The following COG3 variants were observed in gnomAD, a reference collection of about 807,000 sequenced individuals.
The protein encoded by COG3 is conserved oligomeric Golgi complex subunit 3.
A neutral mutation model predicts 114.1 loss-of-function variants in COG3; 32 were observed. The observed-to-expected ratio is 0.28, with a 90% CI of 0.21 to 0.38. The LOEUF (loss-of-function observed/expected upper bound fraction) is 0.38. COG3 is among the 10% of genes least tolerant of loss of function. The pLI is 1.00. For missense variants in COG3, 813 were observed against 973.2 expected (o/e 0.84, Z 2.19); for synonymous variants, 352 against 365.7 (o/e 0.96, Z 0.43).
chr13:45,505,327 A>T (rs1870016014), intron 14 of COG3, among the ~76,000 whole-genome samples: 1 of 146,944 alleles, frequency 6.8e-6, no homozygotes, highest in South Asian at 2.2e-4. Context: ...TGAGAGACAG[A>T]GTCTCACTCT....
Position 45,519,015 on chromosome 13 carries a change from A to G in COG3, c.2075A>G (p.His692Arg), listed in dbSNP as rs140318094. ...YLDSKKDVDR[H>R]LKSACEQFIQ... ...GACTCTAAAAAAGACGTAGACCGTC[A>G]TCTGAAATCGGCCTGTGAGCAGTTT... The change falls in exon 19 of 23, where the codon CAT becomes CGT. Residue 692 changes from histidine (H) to arginine (R), a missense_variant. Physicochemically the swap from His to Arg is conservative, Grantham distance 29. Transcript: ENST00000349995. 1.5e-5 allele frequency: 25 copies of G among 1,614,088 alleles called. No homozygotes were observed. Among genetic ancestry groups the G allele is most frequent in the African/African-American group, 2.7e-5 (2 of 74,944 alleles).
At position 45,535,444 on chromosome 13, in the gene COG3, A is replaced by C; in HGVS notation, c.*713A>C. The C allele has an allele frequency of 1.0e-6, 1 of 985,408 alleles. No homozygotes were observed. The highest frequency in any genetic ancestry group is 4.7e-5 in the South Asian group (1 of 21,292). The allele number at this position is 985,408 out of a possible 1,614,324, so 61.0% of individuals were successfully genotyped here. On this transcript the variant is annotated 3_prime_UTR_variant, in exon 23 of 23. Coordinates refer to ENST00000349995, the MANE Select transcript of COG3 (RefSeq NM_031431.4). The stretch of plus-strand genomic sequence containing the variant: ...CATCATAGATACGTGCAGTATCTTT[A>C]ATGAGTATCTTCATGGTATGATAGT...
intron 2 of COG3, among the ~76,000 whole-genome samples, chr13:45,476,571 G>C (rs768191879): frequency 6.6e-6 from 1 of 152,136 alleles, no homozygotes; most frequent in Non-Finnish European, 1.5e-5. Context: ...GAGATTCCAT[G>C]TTTGGACGTT....
rs529348897 is a variant in COG3 at position 45,482,554 on chromosome 13, T to G, written c.717+81T>G. On this transcript the variant is annotated intron_variant, in intron 6 of 22. Transcript: ENST00000349995. ...TCCTATCTTTTTGTGTTTTTCAACT[T>G]TTCTGTGTTTAGCAGATGTTCCTAT... 2.1e-4 allele frequency: 142 copies of G among 665,826 alleles called. 2 individuals carry two copies. In the South Asian group the frequency reaches 2.8e-3, roughly 13 times the overall value. 41.2% of individuals were successfully genotyped at this position (665,826 alleles called of 1,614,324 possible).
intron 13 of COG3, among the ~76,000 whole-genome samples, chr13:45,501,350 G>T (rs959612354): frequency 6.6e-6 from 1 of 152,086 alleles, no homozygotes; most frequent in African/African-American, 2.4e-5. Flanking sequence ...TTTCCAATTT[G>T]TTGATTCAAT....
chr13:45,518,467 C>G (rs543608561), intron 17 of COG3, among the ~76,000 whole-genome samples: 1 of 152,158 alleles, frequency 6.6e-6, no homozygotes, highest in Non-Finnish European at 1.5e-5. Flanking sequence ...ATTTAATATC[C>G]TAAAAGTAAA....
At chr13:45,517,665 T>G (rs1190000417) in intron 17 of COG3, among the ~76,000 whole-genome samples, 3 of 152,216 alleles carry the variant, frequency 2.0e-5, no homozygotes, top group Non-Finnish European at 2.9e-5. Flanking sequence ...CCACCCATTC[T>G]GGTTGATTTC....
At position 45,482,340 on chromosome 13, in the gene COG3, C is replaced by A. The variant is rs368937705; in HGVS notation, c.625-41C>A. Reference sequence around the variant, plus strand: ...CATAGTTTCCAACTTTTATCTGTATCATTTTTTATGAATTAAGATTGTTTT... The same window carrying A: ...CATAGTTTCCAACTTTTATCTGTATAATTTTTTATGAATTAAGATTGTTTT... On this transcript the variant is annotated intron_variant, in intron 5 of 22. Coordinates refer to ENST00000349995, the MANE Select transcript of COG3 (RefSeq NM_031431.4). 1.4e-5 allele frequency: 15 copies of A among 1,048,206 alleles called. No individual in the cohort carries two copies. The South Asian group carries it at 1.8e-4, about 13-fold the overall frequency. 64.9% of individuals were successfully genotyped at this position (1,048,206 alleles called of 1,614,324 possible).
chr13:45,493,592 T>G, intron 12 of COG3, 106 bp downstream of exon 12: 1 of 993,672 alleles, frequency 1.0e-6, no homozygotes, highest in Non-Finnish European at 1.4e-6. Context: ...AAATTTAATA[T>G]TTTTGAAGCT....
At chr13:45,526,011 A>G (rs181105715) in intron 20 of COG3, among the ~76,000 whole-genome samples, 13 of 144,440 alleles carry the variant, frequency 9.0e-5, no homozygotes, top group Non-Finnish European at 2.0e-4. Context: ...AGAGCATTAT[A>G]TCTGTTAGGT....
At chr13:45,506,047 C>A (rs1024305932) in intron 14 of COG3, among the ~76,000 whole-genome samples, 15 of 143,436 alleles carry the variant, frequency 1.0e-4, no homozygotes, top group African/African-American at 3.9e-4. Flanking sequence ...TAGGCTCATG[C>A]CATCACGCCT....
chr13:45,535,954 A>G lies in COG3; in HGVS notation c.*1223A>G. The G allele has an allele frequency of 2.3e-6, 2 of 878,718 alleles. No homozygotes were observed. Among genetic ancestry groups the G allele is most frequent in the South Asian group, 1.0e-4 (2 of 19,244 alleles). The allele number at this position is 878,718 out of a possible 1,614,324, so 54.4% of individuals were successfully genotyped here. On this transcript the variant is annotated 3_prime_UTR_variant, in exon 23 of 23. Transcript: ENST00000349995. ...AGGGGTTCTGGAATGGGACCAGGGG[A>G]CCTTTTGGTGCAGTGGGTGCCTGTA...
chr13:45,465,252 G>T (rs779891760), intron 1 of COG3, 42 bp downstream of exon 1: 13 of 1,602,728 alleles, frequency 8.1e-6, no homozygotes, highest in Non-Finnish European at 1.1e-5. Flanking sequence ...GATGGGGCTG[G>T]GATTCTCCTC....
At chr13:45,488,986 G>A (rs897805622) in intron 8 of COG3, among the ~76,000 whole-genome samples, 3 of 151,602 alleles carry the variant, frequency 2.0e-5, no homozygotes, top group African/African-American at 7.3e-5. Context: ...TTAGGAGTTT[G>A]AGACCAGCCT....
chr13:45,497,431 G>A (rs1566255523), intron 13 of COG3, among the ~76,000 whole-genome samples: 1 of 152,106 alleles, frequency 6.6e-6, no homozygotes, highest in South Asian at 2.1e-4. Flanking sequence ...TAGACTTTTT[G>A]TACTCCCTTT....
intron 1 of COG3, among the ~76,000 whole-genome samples, chr13:45,467,755 C>T (rs942890): frequency 0.1 from 15,937 of 152,196 alleles, 956 homozygotes; most frequent in East Asian, 0.13. Context: ...CCCTATACTA[C>T]TCTTTTAACA....
At chr13:45,468,648 A>G (rs192842386) in intron 1 of COG3, among the ~76,000 whole-genome samples, 60 of 152,320 alleles carry the variant, frequency 3.9e-4, no homozygotes, top group African/African-American at 1.4e-3. Context: ...GTTACTTGTT[A>G]TTTCAGGGAC....
At chr13:45,490,313 T>C (rs1437401916) in intron 8 of COG3, among the ~76,000 whole-genome samples, 1 of 152,084 alleles carries the variant, frequency 6.6e-6, no homozygotes, top group Non-Finnish European at 1.5e-5. Flanking sequence ...ACCTGGGAGG[T>C]AGGTGTTATT....
intron 22 of COG3, chr13:45,531,219 T>C (rs1873140012): frequency 4.4e-6 from 1 of 228,282 alleles, no homozygotes; most frequent in Non-Finnish European, 7.4e-6. Context: ...AAGATTTTGG[T>C]GCACCCATCA....
Sources: gnomAD v4.1 joint callset for allele counts (sites outside exome capture counted in the v4.1 genomes callset) on GRCh38, gnomAD v4.1.1 for gene constraint, MANE v1.5 for transcripts, NCBI Gene and HGNC (gene_info 2026-07-23, HGNC 2026-07-21) for gene names.